The following ATP8B1 variants were observed in gnomAD, a reference collection of about 807,000 sequenced individuals.
The protein encoded by ATP8B1 is phospholipid-transporting ATPase IC.
Under a neutral mutation model 149.9 loss-of-function variants are expected in ATP8B1, and 80 were observed. The ratio of observed to expected loss-of-function variants is 0.53; its 90% CI spans 0.45 to 0.64. The LOEUF is 0.64. ATP8B1 is among the 30% of genes least tolerant of loss of function. ATP8B1 has a pLI of 0.00. For missense variants in ATP8B1, 1,247 were observed against 1,552.6 expected (o/e 0.80, Z 3.31); for synonymous variants, 536 against 562.8 (o/e 0.95, Z 0.67).
At chr18:57,725,459 A>G (rs955663173) in intron 2 of ATP8B1, among the ~76,000 whole-genome samples, 1 of 152,208 alleles carries the variant, frequency 6.6e-6, no homozygotes, top group Non-Finnish European at 1.5e-5. Context: ...CACTGCCCAA[A>G]GCAATCTACA....
At chr18:57,762,266 G>A (rs1217963952) in intron 1 of ATP8B1, among the ~76,000 whole-genome samples, 1 of 151,872 alleles carries the variant, frequency 6.6e-6, no homozygotes, top group Non-Finnish European at 1.5e-5. Flanking sequence ...AGCCTCCTGA[G>A]TAACTGGGAC....
At chr18:57,727,575 GT>G (rs1411758173) in intron 2 of ATP8B1, among the ~76,000 whole-genome samples, 1 of 152,154 alleles carries the variant, frequency 6.6e-6, no homozygotes, top group African/African-American at 2.4e-5. Flanking sequence ...TGGATCACAA[GT>G]TCAGGAGATC....
chr18:57,655,118 T>A, intron 23 of ATP8B1, 76 bp downstream of exon 23: 1 of 1,346,034 alleles, frequency 7.4e-7, no homozygotes, highest in South Asian at 1.2e-5. Context: ...AGAAATAAAT[T>A]GTCTTTTCAG....
At chr18:57,708,011 A>G (rs1913494538) in intron 2 of ATP8B1, among the ~76,000 whole-genome samples, 1 of 151,294 alleles carries the variant, frequency 6.6e-6, no homozygotes, top group African/African-American at 2.4e-5. Context: ...ACAAAAAAGT[A>G]ATGGGGCATG....
intron 20 of ATP8B1, among the ~76,000 whole-genome samples, chr18:57,664,412 A>G (rs535495330): frequency 6.0e-5 from 9 of 149,940 alleles, no homozygotes; most frequent in Non-Finnish European, 3.0e-5. Flanking sequence ...AGGCTGAGGC[A>G]TGAGGATCAC....
intron 2 of ATP8B1, among the ~76,000 whole-genome samples, chr18:57,726,295 G>A (rs963137750): frequency 2.8e-4 from 43 of 152,132 alleles, no homozygotes; most frequent in African/African-American, 1.0e-3. Context: ...ACTGGGCAAA[G>A]ATTTCTTGAG....
At position 57,787,363 on chromosome 18, in the gene ATP8B1, C is replaced by T. The variant is rs558763078; in HGVS notation, c.-26+15635G>A. On this transcript the variant is annotated intron_variant, in intron 1 of 27. Coordinates refer to ENST00000648908, the MANE Select transcript of ATP8B1 (RefSeq NM_001374385.1). ...GTCTGATAAAAAGTGAGCCTAAAAG[C>T]TCCATCTAGAGCACTGCGAGAGGAG... Among the ~76,000 whole-genome samples, 18 of 152,286 alleles carry T rather than the reference C, an allele frequency of 1.2e-4. No homozygotes were observed. The South Asian group carries it at 3.7e-3, about 32-fold the overall frequency.
intron 1 of ATP8B1, among the ~76,000 whole-genome samples, chr18:57,739,454 C>T (rs1485873457): frequency 3.9e-5 from 6 of 152,196 alleles, no homozygotes; most frequent in Admixed American, 3.3e-4. Flanking sequence ...CATGCATTTG[C>T]TTTCATTTAT....
chr18:57,680,325 C>CTG (rs1484149589), intron 15 of ATP8B1, among the ~76,000 whole-genome samples: 1 of 130,250 alleles, frequency 7.7e-6, no homozygotes, highest in Admixed American at 8.9e-5. Flanking sequence ...TGGCTCACAC[C>CTG]TGTAATCCCA....
chr18:57,661,713 ATTTTTTTT>A (rs759201755), intron 21 of ATP8B1, among the ~76,000 whole-genome samples: 2 of 92,670 alleles, frequency 2.2e-5, no homozygotes, highest in Non-Finnish European at 2.0e-5. Flanking sequence ...ATATATATAT[ATTTTTTTT>A]TTTTTTTTTT....
chr18:57,681,730 G>T (rs532533711), intron 15 of ATP8B1, among the ~76,000 whole-genome samples: 2 of 152,176 alleles, frequency 1.3e-5, no homozygotes, highest in South Asian at 4.1e-4. Flanking sequence ...GAACCTGGGA[G>T]GTGGAGGTTG....
rs147263393 is a variant in ATP8B1 at position 57,756,192 on chromosome 18, C to CATATATAT, written c.-25-24368_-25-24361dup. Among the ~76,000 whole-genome samples the CATATATAT allele has an allele frequency of 2.5e-4, 21 of 84,748 alleles. 1 individual carries two copies. Among genetic ancestry groups the CATATATAT allele is most frequent in the African/African-American group, 5.9e-4 (13 of 21,946 alleles). The allele number at this position is 84,748 out of a possible 152,430, so 55.6% of individuals were successfully genotyped here. ...CCTTTAATCTGAAACATTTCCACAA[C>CATATATAT]ATATATATATATATATATACACACA... On this transcript the variant is annotated intron_variant, in intron 1 of 27. Coordinates refer to ENST00000648908, the MANE Select transcript of ATP8B1 (RefSeq NM_001374385.1).
chr18:57,760,636 A>G (rs1033193184), intron 1 of ATP8B1, among the ~76,000 whole-genome samples: 2 of 152,230 alleles, frequency 1.3e-5, no homozygotes, highest in Non-Finnish European at 2.9e-5. Context: ...AAATGTGGCT[A>G]TACTATATCC....
Position 57,672,931 on chromosome 18 carries a change from T to TATATATAA in ATP8B1, c.1820-1352_1820-1351insTTATATAT, listed in dbSNP as rs1301236712. On this transcript the variant is annotated intron_variant, in intron 16 of 27. Coordinates refer to ENST00000648908, the MANE Select transcript of ATP8B1 (RefSeq NM_001374385.1). ...ATATATATATATATATATATATATA[T>TATATATAA]AACATGTATATACACATATATACAT... Among the ~76,000 whole-genome samples the TATATATAA allele has an allele frequency of 5.2e-3, 173 of 33,146 alleles. 4 individuals are homozygous for TATATATAA. The highest frequency in any genetic ancestry group is 0.01 in the Admixed American group (17 of 1,662). 21.7% of individuals were successfully genotyped at this position (33,146 alleles called of 152,430 possible).
At chr18:57,795,843 T>C (rs1293348476) in intron 1 of ATP8B1, among the ~76,000 whole-genome samples, 1 of 151,182 alleles carries the variant, frequency 6.6e-6, no homozygotes, top group African/African-American at 2.4e-5. Context: ...TGAAAAAGGA[T>C]CAAGATGGTC....
intron 2 of ATP8B1, among the ~76,000 whole-genome samples, chr18:57,712,312 A>T (rs1913728445): frequency 6.6e-6 from 1 of 152,112 alleles, no homozygotes; most frequent in Admixed American, 6.6e-5. Context: ...GATGTGTGGC[A>T]TGGAGAGAAA....
At chr18:57,727,402 T>C (rs1416501702) in intron 2 of ATP8B1, among the ~76,000 whole-genome samples, 1 of 152,256 alleles carries the variant, frequency 6.6e-6, no homozygotes, top group Non-Finnish European at 1.5e-5. Context: ...TACGTTTCAA[T>C]GAGCCATCTT....
intron 1 of ATP8B1, among the ~76,000 whole-genome samples, chr18:57,771,300 C>T (rs1218219509): frequency 2.0e-5 from 3 of 152,190 alleles, no homozygotes; most frequent in Non-Finnish European, 4.4e-5. Context: ...AGACTACCTC[C>T]TTTAGAGGAT....
At chr18:57,759,716 G>A (rs1039903420) in intron 1 of ATP8B1, among the ~76,000 whole-genome samples, 1 of 152,086 alleles carries the variant, frequency 6.6e-6, no homozygotes, top group African/African-American at 2.4e-5. Context: ...CTACTCGGGA[G>A]GCTGAGGCAG....
Sources: gnomAD v4.1 joint callset for allele counts (sites outside exome capture counted in the v4.1 genomes callset) on GRCh38, gnomAD v4.1.1 for gene constraint, MANE v1.5 for transcripts, NCBI Gene and HGNC (gene_info 2026-07-23, HGNC 2026-07-21) for gene names.